PRKCA: variants seen among roughly 807,000 people sequenced by gnomAD.
PRKCA encodes protein kinase C alpha type.
A neutral mutation model predicts 87.0 loss-of-function variants in PRKCA; 27 were observed. That is an observed-to-expected ratio of 0.31 (90% CI 0.23 to 0.43). PRKCA has a LOEUF of 0.43. PRKCA is among the 20% of genes least tolerant of loss of function. The probability of loss-of-function intolerance (pLI) is 1.00; values close to 1 mark genes in which losing one functional copy is unlikely to be tolerated. For missense variants in PRKCA, 518 were observed against 852.3 expected (o/e 0.61, Z 4.88); for synonymous variants, 329 against 311.1 (o/e 1.06, Z -0.61).
chr17:66,654,136 C>T (rs565681942), intron 5 of PRKCA, among the ~76,000 whole-genome samples: 153 of 152,238 alleles, frequency 1.0e-3, no homozygotes, highest in African/African-American at 3.5e-3. Context: ...AGGAAGTGGT[C>T]GCACCATCTA....
At chr17:66,513,450 A>G (rs1011892833) in intron 3 of PRKCA, among the ~76,000 whole-genome samples, 3 of 152,254 alleles carry the variant, frequency 2.0e-5, no homozygotes, top group Non-Finnish European at 2.9e-5. Context: ...TAAAATGCAT[A>G]CAGTCAATCT....
chr17:66,778,102 C>G (rs1326608166), intron 14 of PRKCA: 2 of 985,336 alleles, frequency 2.0e-6, no homozygotes, highest in Non-Finnish European at 1.2e-6. Flanking sequence ...GAGCACCAGG[C>G]TCCAGCTCTC....
At chr17:66,401,301 G>A (rs1185182140) in intron 2 of PRKCA, among the ~76,000 whole-genome samples, 1 of 152,218 alleles carries the variant, frequency 6.6e-6, no homozygotes, top group Non-Finnish European at 1.5e-5. Flanking sequence ...AGCTGAATTT[G>A]GAAGATGGTA....
chr17:66,788,134 T>C (rs1471092547), intron 15 of PRKCA, among the ~76,000 whole-genome samples: 2 of 152,352 alleles, frequency 1.3e-5, no homozygotes, highest in East Asian at 3.9e-4. Context: ...CACAAAGCTA[T>C]TTTCAGGCTT....
chr17:66,750,374 C>T (rs1051297472), intron 13 of PRKCA, among the ~76,000 whole-genome samples: 1 of 152,160 alleles, frequency 6.6e-6, no homozygotes, highest in Non-Finnish European at 1.5e-5. Flanking sequence ...AAAATGAAGC[C>T]GCCGCTTTCC....
chr17:66,688,897 A>T (rs1972702545), intron 7 of PRKCA, 54 bp from the exon 8 acceptor site: 1 of 1,147,998 alleles, frequency 8.7e-7, no homozygotes, highest in Admixed American at 1.9e-5. Context: ...TAGAGGCTGC[A>T]GGAAAGGCTT....
At chr17:66,572,318 T>G (rs558436474) in intron 3 of PRKCA, among the ~76,000 whole-genome samples, 2 of 152,008 alleles carry the variant, frequency 1.3e-5, no homozygotes, top group East Asian at 3.9e-4. Flanking sequence ...AGTACAAAAA[T>G]TAGCCAGGCG....
At chr17:66,437,731 T>TTTTTTTTTTTAG (rs55779501) in intron 2 of PRKCA, among the ~76,000 whole-genome samples, 1 of 11,140 alleles carries the variant, frequency 9.0e-5, no homozygotes, top group Non-Finnish European at 1.6e-4. Flanking sequence ...TTTTTTTTTT[T>TTTTTTTTTTTAG]GAGCGGGGGG....
At chr17:66,399,104 T>TCTTTTCTTTTC (rs1555598365) in intron 2 of PRKCA, among the ~76,000 whole-genome samples, 1 of 131,938 alleles carries the variant, frequency 7.6e-6, no homozygotes, top group Non-Finnish European at 1.7e-5. Flanking sequence ...TCTTTTCTTT[T>TCTTTTCTTTTC]TTTTTTTTTT....
At chr17:66,802,288 T>C (rs1344006450) in intron 16 of PRKCA, among the ~76,000 whole-genome samples, 1 of 152,174 alleles carries the variant, frequency 6.6e-6, no homozygotes, top group African/African-American at 2.4e-5. Context: ...ACTTTGAATT[T>C]ATGACATGCT....
chr17:66,488,783 A>G (rs1916093526), intron 2 of PRKCA, among the ~76,000 whole-genome samples: 1 of 152,232 alleles, frequency 6.6e-6, no homozygotes, highest in Non-Finnish European at 1.5e-5. Flanking sequence ...GTGCTGTCTG[A>G]AGAATGACAT....
At chr17:66,675,441 A>C (rs995860618) in intron 5 of PRKCA, among the ~76,000 whole-genome samples, 2 of 152,164 alleles carry the variant, frequency 1.3e-5, no homozygotes, top group South Asian at 2.1e-4. Flanking sequence ...TCCCCAGCCG[A>C]AGTAGGAATG....
At chr17:66,755,776 C>T (rs898692917) in intron 13 of PRKCA, among the ~76,000 whole-genome samples, 2 of 152,142 alleles carry the variant, frequency 1.3e-5, no homozygotes, top group Non-Finnish European at 2.9e-5. Flanking sequence ...GGAAAATCAA[C>T]AATTCTTCCT....
chr17:66,701,023 A>AT (rs1422171347), intron 8 of PRKCA, among the ~76,000 whole-genome samples: 1 of 152,184 alleles, frequency 6.6e-6, no homozygotes, highest in East Asian at 1.9e-4. Context: ...GGACGGAGGT[A>AT]TCACACTTTC....
At chr17:66,467,953 A>T (rs1038654665) in intron 2 of PRKCA, among the ~76,000 whole-genome samples, 8 of 151,974 alleles carry the variant, frequency 5.3e-5, no homozygotes, top group African/African-American at 1.9e-4. Context: ...CTAACAAGTT[A>T]TCTTTCCTTG....
rs200720483 is a variant in PRKCA at position 66,669,197 on chromosome 17, A to T, written c.530-17914A>T. On this transcript the variant is annotated intron_variant, in intron 5 of 16. Coordinates refer to ENST00000413366, the MANE Select transcript of PRKCA (RefSeq NM_002737.3). ...AAAAGCAAGCAGAATGAGATTTTTT[A>T]AAATGATAGTGGGCTATATAAAGAG... Among the ~76,000 whole-genome samples the T allele has an allele frequency of 5.9e-5, 9 of 152,230 alleles. No homozygotes were observed. The East Asian group carries it at 1.3e-3, about 23-fold the overall frequency.
chr17:66,722,903 T>C (rs1478387040), intron 8 of PRKCA, among the ~76,000 whole-genome samples: 1 of 152,260 alleles, frequency 6.6e-6, no homozygotes, highest in East Asian at 1.9e-4. Context: ...TTACATATTG[T>C]AGTTCCCATT....
At chr17:66,388,613 G>A (rs1369395337) in intron 2 of PRKCA, among the ~76,000 whole-genome samples, 1 of 152,076 alleles carries the variant, frequency 6.6e-6, no homozygotes, top group African/African-American at 2.4e-5. Flanking sequence ...GCTCTTATTG[G>A]CCATAGTTCT....
At chr17:66,326,365 T>G (rs1057127221) in intron 2 of PRKCA, among the ~76,000 whole-genome samples, 2 of 152,152 alleles carry the variant, frequency 1.3e-5, no homozygotes, top group Non-Finnish European at 2.9e-5. Context: ...CGTAATAAAT[T>G]GTAAAAATCT....
Sources: gnomAD v4.1 joint callset for allele counts (sites outside exome capture counted in the v4.1 genomes callset) on GRCh38, gnomAD v4.1.1 for gene constraint, MANE v1.5 for transcripts, NCBI Gene and HGNC (gene_info 2026-07-23, HGNC 2026-07-21) for gene names.